The following RSRC1 variants were observed in gnomAD, a reference collection of about 807,000 sequenced individuals.
RSRC1 encodes arginine and serine rich coiled-coil 1, also known as serine/Arginine-related protein 53.
RSRC1 carries 39 observed loss-of-function variants against 49.1 expected under a neutral mutation model. The observed-to-expected ratio is 0.79, with a 90% CI of 0.61 to 1.04. RSRC1 has a LOEUF of 1.04. RSRC1 is among the 50% of genes least tolerant of loss of function. The pLI is 0.00. For synonymous variants in RSRC1, 143 were observed against 130.8 expected, an observed-to-expected ratio of 1.09 and a Z score of -0.63; for missense variants, 388 against 402.4, an observed-to-expected ratio of 0.96 and a Z score of 0.31.
At chr3:158,328,721 A>G (rs1474978266) in intron 5 of RSRC1, among the ~76,000 whole-genome samples, 1 of 151,854 alleles carries the variant, frequency 6.6e-6, no homozygotes, top group Non-Finnish European at 1.5e-5. Context: ...TTGGAGGAGT[A>G]TGCTCTTCTC....
intron 6 of RSRC1, among the ~76,000 whole-genome samples, chr3:158,426,696 G>T (rs1420122963): frequency 1.3e-5 from 2 of 151,668 alleles, no homozygotes; most frequent in Non-Finnish European, 3.0e-5. Flanking sequence ...TGAGATAGAA[G>T]TCGTGGAAAA....
chr3:158,134,627 GA>G (rs1441293784), intron 3 of RSRC1, among the ~76,000 whole-genome samples: 2 of 152,114 alleles, frequency 1.3e-5, no homozygotes, highest in African/African-American at 4.8e-5. Flanking sequence ...AATTATCAGT[GA>G]AATGTTAGTT....
chr3:158,407,113 CA>C (rs1734194819), intron 6 of RSRC1, among the ~76,000 whole-genome samples: 1 of 152,084 alleles, frequency 6.6e-6, no homozygotes, highest in Non-Finnish European at 1.5e-5. Context: ...CTATTTTTAT[CA>C]CAGACTCAAA....
intron 4 of RSRC1, among the ~76,000 whole-genome samples, chr3:158,233,185 A>G (rs77777723): frequency 2.6e-5 from 4 of 152,286 alleles, no homozygotes; most frequent in African/African-American, 9.6e-5. Flanking sequence ...CTTTGACACT[A>G]TCATCTTCAG....
intron 6 of RSRC1, among the ~76,000 whole-genome samples, chr3:158,458,023 G>A (rs1235814258): frequency 6.6e-6 from 1 of 152,090 alleles, no homozygotes; most frequent in Admixed American, 6.6e-5. Context: ...GCAAATGGGT[G>A]GGTTTACTTT....
intron 7 of RSRC1, among the ~76,000 whole-genome samples, chr3:158,490,328 C>T (rs1739027115): frequency 1.3e-5 from 2 of 152,214 alleles, no homozygotes; most frequent in African/African-American, 4.8e-5. Flanking sequence ...TCATGATCCA[C>T]CCACCTCACC....
At chr3:158,454,814 A>T (rs958890657) in intron 6 of RSRC1, among the ~76,000 whole-genome samples, 1 of 152,066 alleles carries the variant, frequency 6.6e-6, no homozygotes, top group Non-Finnish European at 1.5e-5. Flanking sequence ...TAATCCTGTC[A>T]TTTCAATTCA....
chr3:158,390,660 A>C (rs539212410), intron 6 of RSRC1, among the ~76,000 whole-genome samples: 110 of 152,230 alleles, frequency 7.2e-4, no homozygotes, highest in Non-Finnish European at 1.4e-3. Context: ...TGGAGTACAG[A>C]TAAGGAAACT....
intron 5 of RSRC1, among the ~76,000 whole-genome samples, chr3:158,352,443 GTATT>G (rs1405918292): frequency 1.3e-5 from 2 of 151,852 alleles, no homozygotes; most frequent in African/African-American, 4.8e-5. Context: ...ACATTATTAT[GTATT>G]TATTTTCTAT....
At chr3:158,265,003 G>A (rs187614679) in intron 4 of RSRC1, among the ~76,000 whole-genome samples, 2 of 152,276 alleles carry the variant, frequency 1.3e-5, no homozygotes, top group Admixed American at 1.3e-4. Context: ...TCTCTGTGCT[G>A]CTCTCTGGTC....
At chr3:158,434,221 C>A (rs1735924796) in intron 6 of RSRC1, among the ~76,000 whole-genome samples, 1 of 151,798 alleles carries the variant, frequency 6.6e-6, no homozygotes, top group African/African-American at 2.4e-5. Flanking sequence ...TTCACATATT[C>A]TTTTATAGCT....
At chr3:158,276,364 G>C (rs760726007) in intron 4 of RSRC1, 7 of 777,068 alleles carry the variant, frequency 9.0e-6, no homozygotes, top group Non-Finnish European at 1.6e-5. Context: ...AGAAGAAAGC[G>C]CATGATGACA....
intron 7 of RSRC1, among the ~76,000 whole-genome samples, chr3:158,503,672 G>A (rs1739717102): frequency 6.6e-6 from 1 of 152,068 alleles, no homozygotes; most frequent in South Asian, 2.1e-4. Context: ...AGTAGGGGAG[G>A]GCGGCAGTCA....
intron 4 of RSRC1, among the ~76,000 whole-genome samples, chr3:158,237,791 C>G (rs1183411792): frequency 6.6e-6 from 1 of 152,126 alleles, no homozygotes; most frequent in Non-Finnish European, 1.5e-5. Flanking sequence ...ATTGAATACC[C>G]TTTATTTCTT....
intron 7 of RSRC1, among the ~76,000 whole-genome samples, chr3:158,504,872 C>T (rs1578554233): frequency 1.3e-5 from 2 of 152,188 alleles, no homozygotes; most frequent in South Asian, 4.1e-4. Flanking sequence ...AGACTGTCTT[C>T]ACTAGTTATT....
At chr3:158,278,358 T>C (rs537811616) in intron 4 of RSRC1, among the ~76,000 whole-genome samples, 3 of 152,356 alleles carry the variant, frequency 2.0e-5, no homozygotes, top group Non-Finnish European at 2.9e-5. Context: ...CTCTTTCCGC[T>C]CTCTGTTGTT....
rs576031796 is a variant in RSRC1, at chr3:158,454,688, G to A, written c.584-6247G>A. On this transcript the variant is annotated intron_variant, in intron 6 of 9. Coordinates refer to ENST00000611884, the MANE Select transcript of RSRC1 (RefSeq NM_001271838.2). ...CAATTCCTCTACTTAATTGTTTTATGGTGTTATTGTTGTTTGTGTTGTTCT... is the reference window on the plus strand; with the variant it reads ...CAATTCCTCTACTTAATTGTTTTATAGTGTTATTGTTGTTTGTGTTGTTCT... 1.1e-4 allele frequency among the ~76,000 whole-genome samples: 16 copies of A among 152,128 alleles called. No homozygotes were observed. In the South Asian group the frequency reaches 3.3e-3, roughly 32 times the overall value.
In RSRC1 at chr3:158,399,013, C is replaced by T. The variant is rs532471410; in HGVS notation, c.583+44105C>T. Among the ~76,000 whole-genome samples the T allele has an allele frequency of 4.0e-5, 6 of 151,602 alleles. No homozygotes were observed. The Middle Eastern group carries it at 0.02, about 516-fold the overall frequency. On this transcript the variant is annotated intron_variant, in intron 6 of 9. Coordinates refer to ENST00000611884, the MANE Select transcript of RSRC1 (RefSeq NM_001271838.2). ...GTGTGTGTATTTGAATTATATATTT[C>T]ACTGAACCCAGAAGAGGGTCTGAAT...
rs543291819 is a variant in RSRC1, at chr3:158,127,933, G to A, written c.320+3942G>A. On this transcript the variant is annotated intron_variant, in intron 3 of 9. Transcript: ENST00000611884. Reference sequence around the variant, plus strand: ...CAGGTGAGAGATATCATTCCCTCTGGCACCTCTCCAAAATGCTGGAATATT... The same window carrying A: ...CAGGTGAGAGATATCATTCCCTCTGACACCTCTCCAAAATGCTGGAATATT... Among the ~76,000 whole-genome samples the A allele has an allele frequency of 1.8e-4, 27 of 151,912 alleles. No individual in the cohort carries two copies. In the Middle Eastern group the frequency reaches 0.01, roughly 57 times the overall value.
Sources: gnomAD v4.1 joint callset for allele counts (sites outside exome capture counted in the v4.1 genomes callset) on GRCh38, gnomAD v4.1.1 for gene constraint, MANE v1.5 for transcripts, NCBI Gene and HGNC (gene_info 2026-07-23, HGNC 2026-07-21) for gene names.